The following COA1 variants were observed in gnomAD, a reference collection of about 807,000 sequenced individuals.
COA1 encodes the protein cytochrome c oxidase assembly factor 1 homolog.
Under a neutral mutation model 16.0 loss-of-function variants are expected in COA1, and 13 were observed. That is an observed-to-expected ratio of 0.81 (90% CI 0.53 to 1.29). COA1 has a LOEUF of 1.29. Ranked by LOEUF, COA1 falls within the 50% of genes most tolerant of loss-of-function variation. The pLI, the probability that COA1 is intolerant of heterozygous loss-of-function variation, is 0.00. For missense variants in COA1, 179 were observed against 177.0 expected, an observed-to-expected ratio of 1.01 and a Z score of -0.06; for synonymous variants, 65 against 65.7, an observed-to-expected ratio of 0.99 and a Z score of 0.05.
At chr7:43,650,523 C>A in intron 1 of COA1, 1 of 151,946 alleles carries the variant, frequency 6.6e-6, no homozygotes, top group Admixed American at 6.6e-5. Flanking sequence ...CTCAAGGTGC[C>A]ACATATTTGA....
intron 6 of COA1, chr7:43,623,722 T>G: frequency 1.2e-6 from 2 of 1,606,238 alleles, no homozygotes; most frequent in Non-Finnish European, 1.7e-6. Flanking sequence ...CATTGGAGTG[T>G]TAACATATGT....
chr7:43,610,346 C>CAAA lies in COA1; in HGVS notation c.*134-854_*134-852dup, dbSNP rs138859141. Among the ~76,000 whole-genome samples the CAAA allele has an allele frequency of 2.6e-3, 108 of 41,244 alleles. 1 individual carries two copies. Among genetic ancestry groups the CAAA allele is most frequent in the East Asian group, 5.1e-3 (4 of 780 alleles). The allele number at this position is 41,244 out of a possible 152,430, so 27.1% of individuals were successfully genotyped here. A position where few individuals can be genotyped will look rare whatever the true frequency, so the allele number is the denominator to read the frequency against. On this transcript the variant is annotated intron_variant and NMD_transcript_variant, in intron 6 of 6. Transcript: ENST00000415076. ...TGGGCAACAGAGCGAGACTCCGTCT[C>CAAA]AAAAAAAAAAAAAAAAAAAAAAAAA...
At chr7:43,714,461 C>G (rs1442825863) in intron 1 of COA1, among the ~76,000 whole-genome samples, 1 of 149,222 alleles carries the variant, frequency 6.7e-6, no homozygotes, top group Non-Finnish European at 1.5e-5. Flanking sequence ...AACCCCATCT[C>G]TACTAAGAAA....
chr7:43,624,189 A>AT (rs1437847635), intron 6 of COA1, among the ~76,000 whole-genome samples: 2 of 152,244 alleles, frequency 1.3e-5, no homozygotes, highest in African/African-American at 4.8e-5. Flanking sequence ...TCATGGCAGT[A>AT]AATAGCACTC....
chr7:43,684,494 C>T (rs994878358), intron 1 of COA1, among the ~76,000 whole-genome samples: 10 of 152,150 alleles, frequency 6.6e-5, no homozygotes, highest in African/African-American at 2.4e-4. Context: ...GAAGGCTGCA[C>T]TGCCTTTTCT....
At chr7:43,647,802 C>T in intron 2 of COA1, 168 bp from the exon 3 acceptor site, 1 of 610,154 alleles carries the variant, frequency 1.6e-6, no homozygotes. Context: ...GTTCTGAAGC[C>T]AAACTGAGTG....
At chr7:43,726,508 T>C (rs2095620124) in intron 1 of COA1, among the ~76,000 whole-genome samples, 1 of 152,242 alleles carries the variant, frequency 6.6e-6, no homozygotes, top group African/African-American at 2.4e-5. Context: ...CTTAAATCCC[T>C]ACACAAAGAA....
chr7:43,661,649 A>AG (rs2092444767), intron 1 of COA1, among the ~76,000 whole-genome samples: 1 of 148,674 alleles, frequency 6.7e-6, no homozygotes, highest in African/African-American at 2.4e-5. Context: ...AAAAAAAAAA[A>AG]AGAGACATTT....
In COA1 at chr7:43,657,697, T is replaced by C. The variant is rs560034767; in HGVS notation, c.-38-9045A>G. 4.0e-5 allele frequency among the ~76,000 whole-genome samples: 6 copies of C among 149,222 alleles called. No individual in the cohort carries two copies. In the South Asian group the frequency reaches 1.1e-3, roughly 26 times the overall value. ...AGTAATAAGTACTTTAAAAAAAAAA[T>C]AGGGTGTTAAGAAAATAAGAAGAAA... On this transcript the variant is annotated intron_variant, in intron 1 of 5. Coordinates refer to ENST00000223336, the MANE Select transcript of COA1 (RefSeq NM_018224.4).
At chr7:43,697,223 A>G (rs1026945808) in intron 1 of COA1, among the ~76,000 whole-genome samples, 5 of 152,220 alleles carry the variant, frequency 3.3e-5, no homozygotes, top group African/African-American at 9.6e-5. Flanking sequence ...GGTATTTGTT[A>G]TGTTATTCTC....
rs78204389 is a variant in COA1 at position 43,632,256 on chromosome 7, C to A, written c.*133+7193G>T. 2.6e-3 allele frequency: 422 copies of A among 160,600 alleles called. 1 individual carries two copies. The highest frequency in any genetic ancestry group is 9.5e-3 in the African/African-American group (396 of 41,758). 9.9% of individuals were successfully genotyped at this position (160,600 alleles called of 1,614,324 possible). A position where few individuals can be genotyped will look rare whatever the true frequency, so the allele number is the denominator to read the frequency against. On this transcript the variant is annotated intron_variant and NMD_transcript_variant, in intron 6 of 6. Coordinates refer to the COA1 transcript ENST00000415076. ...TGCTCGTCCATGAGAAGGAACTTCT[C>A]ATCCATACAAGTTTGATCCTGAGGT...
chr7:43,711,014 T>C (rs971474060), intron 1 of COA1, among the ~76,000 whole-genome samples: 1 of 109,568 alleles, frequency 9.1e-6, no homozygotes, highest in African/African-American at 2.7e-5. Context: ...TGTTGATGGT[T>C]TTTTTTTTTC....
At chr7:43,679,139 C>A (rs539845910) in intron 1 of COA1, among the ~76,000 whole-genome samples, 2 of 151,748 alleles carry the variant, frequency 1.3e-5, no homozygotes, top group African/African-American at 2.4e-5. Flanking sequence ...TGGTGGCGTG[C>A]GCCTGTAGTC....
At chr7:43,646,333 C>G in intron 3 of COA1, 1 of 326,366 alleles carries the variant, frequency 3.1e-6, no homozygotes, top group South Asian at 2.4e-5. Context: ...ATTTCTATGG[C>G]TAGGCACTGT....
downstream of COA1, among the ~76,000 whole-genome samples, chr7:43,635,446 G>A (rs150856841): frequency 8.0e-3 from 1,221 of 152,194 alleles, 4 homozygotes; most frequent in Non-Finnish European, 0.013. Context: ...TCAGCTGTCC[G>A]AGCCCCCAAG....
intron 1 of COA1, among the ~76,000 whole-genome samples, chr7:43,705,698 C>A (rs981227780): frequency 1.3e-5 from 2 of 152,202 alleles, no homozygotes; most frequent in African/African-American, 4.8e-5. Context: ...ACAACAAACC[C>A]TCTGGGCTCC....
chr7:43,659,791 G>C (rs1479739068), intron 1 of COA1, among the ~76,000 whole-genome samples: 2 of 152,040 alleles, frequency 1.3e-5, no homozygotes, highest in African/African-American at 2.4e-5. Context: ...TTCTATATTA[G>C]GGGCTGAATT....
At chr7:43,628,806 C>T (rs2084883870) in intron 6 of COA1, among the ~76,000 whole-genome samples, 1 of 152,154 alleles carries the variant, frequency 6.6e-6, no homozygotes, top group Non-Finnish European at 1.5e-5. Flanking sequence ...TATCTTTTCC[C>T]ACTCTATAGC....
At chr7:43,710,242 G>C (rs1216311617) in intron 1 of COA1, among the ~76,000 whole-genome samples, 2 of 149,846 alleles carry the variant, frequency 1.3e-5, no homozygotes, top group Non-Finnish European at 3.0e-5. Flanking sequence ...CCAGCTACTT[G>C]GGAGGCTGAG....
Sources: allele counts gnomAD v4.1 joint callset (sites outside exome capture counted in the v4.1 genomes callset), GRCh38; gene constraint gnomAD v4.1.1; transcripts MANE v1.5; gene names NCBI Gene and HGNC (gene_info 2026-07-23, HGNC 2026-07-21).